ASIC2: variants seen among roughly 807,000 people sequenced by gnomAD.
ASIC2 encodes the protein acid sensing ion channel subunit 2.
Under a neutral mutation model 57.3 loss-of-function variants are expected in ASIC2, and 25 were observed. The ratio of observed to expected loss-of-function variants is 0.44; its 90% CI spans 0.32 to 0.61. The LOEUF (loss-of-function observed/expected upper bound fraction) is 0.61, where lower values mean the gene tolerates loss of function less well. Among genes scored for constraint, ASIC2 ranks in the 20% least tolerant of loss-of-function variants. The pLI is 0.06. For synonymous variants in ASIC2, 319 were observed against 307.5 expected, an observed-to-expected ratio of 1.04 and a Z score of -0.39; for missense variants, 641 against 738.1, an observed-to-expected ratio of 0.87 and a Z score of 1.52.
At chr17:33,796,756 A>G (rs530073848) in intron 1 of ASIC2, among the ~76,000 whole-genome samples, 1 of 152,182 alleles carries the variant, frequency 6.6e-6, no homozygotes, top group African/African-American at 2.4e-5. Context: ...GAAGTGAGGG[A>G]AAAAGGTATT....
chr17:33,164,646 C>T (rs149830038), intron 1 of ASIC2, among the ~76,000 whole-genome samples: 1 of 152,214 alleles, frequency 6.6e-6, no homozygotes, highest in Non-Finnish European at 1.5e-5. Context: ...ACGACTGTTG[C>T]AGGGGCTTGC....
At chr17:33,823,637 C>G (rs1430959027) in intron 1 of ASIC2, among the ~76,000 whole-genome samples, 2 of 152,182 alleles carry the variant, frequency 1.3e-5, no homozygotes, top group Non-Finnish European at 2.9e-5. Flanking sequence ...CTTTCTGTTC[C>G]TTCATTCGCC....
intron 1 of ASIC2, among the ~76,000 whole-genome samples, chr17:34,028,903 A>G (rs1907478138): frequency 6.6e-6 from 1 of 152,104 alleles, no homozygotes; most frequent in Non-Finnish European, 1.5e-5. Flanking sequence ...CCCAGCTCTC[A>G]TGGCTGTTCC....
intron 1 of ASIC2, among the ~76,000 whole-genome samples, chr17:33,933,969 CA>C (rs1366686930): frequency 2.0e-5 from 3 of 152,218 alleles, no homozygotes; most frequent in Admixed American, 1.3e-4. Flanking sequence ...TTTTTCTGTT[CA>C]CTTTAATCAA....
intron 1 of ASIC2, among the ~76,000 whole-genome samples, chr17:33,786,471 C>T (rs989800459): frequency 1.4e-4 from 22 of 152,218 alleles, no homozygotes; most frequent in African/African-American, 4.8e-4. Flanking sequence ...CCCTTAAAAA[C>T]TTACTATCTG....
chr17:33,767,489 A>G (rs1910968214), intron 1 of ASIC2, among the ~76,000 whole-genome samples: 1 of 152,248 alleles, frequency 6.6e-6, no homozygotes, highest in Admixed American at 6.5e-5. Flanking sequence ...CAAGCAGGAA[A>G]TCCAAGAAAC....
intron 1 of ASIC2, among the ~76,000 whole-genome samples, chr17:33,789,027 G>A (rs1270234749): frequency 6.6e-6 from 1 of 151,966 alleles, no homozygotes; most frequent in Non-Finnish European, 1.5e-5. Flanking sequence ...TTATTTTTTT[G>A]AAGAAATAAA....
chr17:33,619,131 T>A (rs1240744962), intron 1 of ASIC2, among the ~76,000 whole-genome samples: 2 of 152,190 alleles, frequency 1.3e-5, no homozygotes, highest in African/African-American at 4.8e-5. Flanking sequence ...GGAGGTTTGC[T>A]ATACACAGGT....
intron 1 of ASIC2, among the ~76,000 whole-genome samples, chr17:33,917,096 C>T (rs188336224): frequency 2.0e-5 from 3 of 152,266 alleles, no homozygotes; most frequent in Non-Finnish European, 4.4e-5. Context: ...CTGTTTGCAT[C>T]GCTCCTCCTG....
chr17:33,529,309 A>G (rs1192593045), intron 1 of ASIC2, among the ~76,000 whole-genome samples: 1 of 152,164 alleles, frequency 6.6e-6, no homozygotes, highest in Non-Finnish European at 1.5e-5. Context: ...GGAACCAAAC[A>G]CTGATGTATT....
chr17:34,150,974 G>A lies in ASIC2; in HGVS notation c.555+5004C>T, dbSNP rs553114709. ...CTAAAAATACCAGGCATGGTGGCAGGCGCCTGTAGTCCCAGCTACTCGGGA... is the reference window on the plus strand; with the variant it reads ...CTAAAAATACCAGGCATGGTGGCAGACGCCTGTAGTCCCAGCTACTCGGGA... On this transcript the variant is annotated intron_variant, in intron 1 of 9. Coordinates refer to the ASIC2 transcript ENST00000359872. Among the ~76,000 whole-genome samples, 5 of 152,088 alleles carry A rather than the reference G, an allele frequency of 3.3e-5. No individual in the cohort carries two copies. The South Asian group carries it at 1.0e-3, about 32-fold the overall frequency.
At chr17:33,192,468 C>A (rs1906467225) in intron 1 of ASIC2, among the ~76,000 whole-genome samples, 1 of 151,686 alleles carries the variant, frequency 6.6e-6, no homozygotes, top group Non-Finnish European at 1.5e-5. Flanking sequence ...ACCAAAAAAA[C>A]CAAGACAGAG....
At chr17:33,230,602 C>G (rs757175729) in intron 1 of ASIC2, among the ~76,000 whole-genome samples, 4 of 152,108 alleles carry the variant, frequency 2.6e-5, no homozygotes, top group Non-Finnish European at 4.4e-5. Flanking sequence ...CTCCATAAGC[C>G]TCTGTTTTCC....
At position 33,553,269 on chromosome 17, in the gene ASIC2, G is replaced by GT. The variant is rs1197858993; in HGVS notation, c.556-441203dup. ...CACTAAGCTGACATGTGAACAGGTG[G>GT]TAACTGAATATGTGGTTTATTTTGG... On this transcript the variant is annotated intron_variant, in intron 1 of 9. Coordinates refer to the ASIC2 transcript ENST00000359872. 3.9e-5 allele frequency among the ~76,000 whole-genome samples: 6 copies of GT among 152,240 alleles called. No individual in the cohort carries two copies. The East Asian group carries it at 1.2e-3, about 29-fold the overall frequency.
chr17:33,130,577 A>G (rs2092341600), intron 1 of ASIC2, among the ~76,000 whole-genome samples: 1 of 152,222 alleles, frequency 6.6e-6, no homozygotes, highest in Non-Finnish European at 1.5e-5. Context: ...TGCAAATGCT[A>G]TCTGCATGCT....
chr17:33,785,418 TA>T (rs775230051), intron 1 of ASIC2, among the ~76,000 whole-genome samples: 77 of 152,270 alleles, frequency 5.1e-4, no homozygotes, highest in Admixed American at 2.4e-3. Flanking sequence ...GCAATGCAGT[TA>T]CAACAACTCC....
At chr17:33,030,951 G>T (rs1209442467) in intron 3 of ASIC2, among the ~76,000 whole-genome samples, 1 of 152,046 alleles carries the variant, frequency 6.6e-6, no homozygotes, top group East Asian at 1.9e-4. Context: ...TGTTTATGAG[G>T]CATATTGTAT....
intron 1 of ASIC2, among the ~76,000 whole-genome samples, chr17:33,870,093 T>C (rs1159209152): frequency 6.6e-6 from 1 of 152,168 alleles, no homozygotes; most frequent in East Asian, 1.9e-4. Flanking sequence ...ATAAAGACAG[T>C]TGCCAAACAC....
At chr17:33,574,663 A>T (rs1257654776) in intron 1 of ASIC2, among the ~76,000 whole-genome samples, 1 of 152,176 alleles carries the variant, frequency 6.6e-6, no homozygotes, top group Admixed American at 6.5e-5. Context: ...GATTTATAGG[A>T]ACACTTTATT....
Sources: allele counts gnomAD v4.1 joint callset (sites outside exome capture counted in the v4.1 genomes callset), GRCh38; gene constraint gnomAD v4.1.1; transcripts MANE v1.5; gene names NCBI Gene and HGNC (gene_info 2026-07-23, HGNC 2026-07-21).